Variants in SLC6A20 observed in about 807,000 individuals in gnomAD.
SLC6A20 encodes solute carrier family 6 member 20.
Under a neutral mutation model 64.3 loss-of-function variants are expected in SLC6A20, and 73 were observed. The ratio of observed to expected loss-of-function variants is 1.14; its 90% CI spans 0.94 to 1.38. SLC6A20 has a LOEUF of 1.38. Among genes scored for constraint, SLC6A20 ranks in the 40% most tolerant of loss-of-function variants. The pLI is 0.00. For missense variants in SLC6A20, 725 were observed against 772.8 expected (o/e 0.94, Z 0.73); for synonymous variants, 347 against 329.6 (o/e 1.05, Z -0.57).
At chr3:45,776,163 G>A (rs928502575) in intron 3 of SLC6A20, among the ~76,000 whole-genome samples, 175 bp from the exon 4 acceptor site, 1 of 152,094 alleles carries the variant, frequency 6.6e-6, no homozygotes, top group African/African-American at 2.4e-5. Flanking sequence ...GTTTGTCAGG[G>A]GGCACGGGTG....
intron 9 of SLC6A20, among the ~76,000 whole-genome samples, chr3:45,761,631 A>G (rs1348224724): frequency 6.6e-6 from 1 of 152,188 alleles, no homozygotes; most frequent in African/African-American, 2.4e-5. Flanking sequence ...AAAACCCCTC[A>G]ATCCTGGGGA....
intron 5 of SLC6A20, chr3:45,772,247 G>A (rs1022332674): frequency 9.5e-6 from 4 of 420,682 alleles, no homozygotes; most frequent in Non-Finnish European, 1.7e-5. Context: ...CAGCAGTTGG[G>A]GGACAGTGAG....
Position 45,757,542 on chromosome 3 carries a change from A to C in SLC6A20, c.*1436T>G, listed in dbSNP as rs1488763105. 2.0e-5 allele frequency: 3 copies of C among 152,548 alleles called. No homozygotes were observed. Among genetic ancestry groups the C allele is most frequent in the Non-Finnish European group, 4.4e-5 (3 of 68,312 alleles). The allele number at this position is 152,548 out of a possible 1,614,324, so 9.4% of individuals were successfully genotyped here. ...ACAAGGCACATCCTGCACAGCCCTA[A>C]ATCCATTAAACTTTGATTCATTACA... On this transcript the variant is annotated 3_prime_UTR_variant, in exon 11 of 11. Transcript: ENST00000358525.
Position 45,775,893 on chromosome 3 carries a change from G to T in SLC6A20, c.450C>A (p.Tyr150Ter). 1 of 1,614,224 alleles carries T rather than the reference G, an allele frequency of 6.2e-7. No individual in the cohort carries two copies. ...EKASSTQYFWYRKTLNISPSL... is the reference protein window; with the variant it reads ...EKASSTQYFW ...ACGGCGAGATATTGAGGGTTTTCCT[G>T]TACCAGAAGTACTGTGTGGAGGACG... is the stretch of plus-strand genomic sequence containing the variant. The change falls in exon 4 of 11, where the codon TAC becomes TAA. Residue 150 changes from tyrosine (Y) to a stop codon, truncating the protein, a stop_gained. Coordinates refer to ENST00000358525, the MANE Select transcript of SLC6A20 (RefSeq NM_020208.4). LOFTEE classifies it high-confidence loss of function.
intron 2 of SLC6A20, among the ~76,000 whole-genome samples, chr3:45,780,833 G>A (rs923433702): frequency 2.0e-5 from 3 of 152,112 alleles, no homozygotes; most frequent in African/African-American, 4.8e-5. Context: ...ATAGGCATCC[G>A]CAAATGCTAT....
At chr3:45,796,247 G>A (rs1307504551) in intron 1 of SLC6A20, 52 bp downstream of exon 1, 13 of 1,558,730 alleles carry the variant, frequency 8.3e-6, no homozygotes, top group Non-Finnish European at 9.6e-6. Flanking sequence ...TCGCACACAC[G>A]GCGGGGACGC....
intron 8 of SLC6A20, among the ~76,000 whole-genome samples, chr3:45,764,804 G>C (rs368347591): frequency 2.0e-5 from 3 of 152,076 alleles, no homozygotes; most frequent in South Asian, 4.1e-4. Flanking sequence ...GGGGTGTGAA[G>C]GAACTGTCTA....
intron 3 of SLC6A20, 67 bp downstream of exon 3, chr3:45,779,942 G>A (rs745472213): frequency 8.6e-6 from 13 of 1,504,022 alleles, no homozygotes; most frequent in African/African-American, 2.8e-5. Context: ...TTCCCCGAGC[G>A]GGTGGCCCTG....
At chr3:45,788,003 T>C (rs1277355982) in intron 1 of SLC6A20, among the ~76,000 whole-genome samples, 1 of 152,174 alleles carries the variant, frequency 6.6e-6, no homozygotes, top group Non-Finnish European at 1.5e-5. Flanking sequence ...TGGAGTGCAG[T>C]GGTGCGATCA....
At chr3:45,789,414 A>T (rs1700213816) in intron 1 of SLC6A20, among the ~76,000 whole-genome samples, 1 of 152,242 alleles carries the variant, frequency 6.6e-6, no homozygotes, top group African/African-American at 2.4e-5. Flanking sequence ...TAAACGGATC[A>T]AATTCCTCCA....
chr3:45,766,432 A>G (rs944109038), intron 7 of SLC6A20, among the ~76,000 whole-genome samples: 7 of 152,224 alleles, frequency 4.6e-5, no homozygotes, highest in Non-Finnish European at 2.9e-5. Flanking sequence ...GGGATTTACA[A>G]ACCCACAAGG....
chr3:45,777,511 G>A (rs562066874), intron 3 of SLC6A20, among the ~76,000 whole-genome samples: 11 of 152,358 alleles, frequency 7.2e-5, no homozygotes, highest in African/African-American at 2.6e-4. Flanking sequence ...CTGACCAACT[G>A]AATATGGTGA....
At position 45,758,842 on chromosome 3, in the gene SLC6A20, C is replaced by T; in HGVS notation, c.*136G>A. The stretch of plus-strand genomic sequence containing the variant: ...CCCAAGGGAGTTTTCTTCCTGCACA[C>T]CTTCCTCATCTTCTTTAGACACTCA... On this transcript the variant is annotated 3_prime_UTR_variant, in exon 11 of 11. Transcript: ENST00000358525. The T allele has an allele frequency of 1.5e-6, 2 of 1,374,034 alleles. No homozygotes were observed. The highest frequency in any genetic ancestry group is 1.9e-6 in the Non-Finnish European group (2 of 1,060,188). 85.1% of individuals were successfully genotyped at this position (1,374,034 alleles called of 1,614,324 possible).
intron 8 of SLC6A20, among the ~76,000 whole-genome samples, chr3:45,764,123 G>A (rs1699730496): frequency 6.6e-6 from 1 of 152,116 alleles, no homozygotes; most frequent in African/African-American, 2.4e-5. Context: ...TAGGCCACAG[G>A]GTCCTTGAGG....
chr3:45,764,791 G>T (rs771044767), intron 8 of SLC6A20, among the ~76,000 whole-genome samples: 2 of 151,934 alleles, frequency 1.3e-5, no homozygotes, highest in African/African-American at 2.4e-5. Flanking sequence ...TACTGCCTGG[G>T]AAGGGGTGTG....
At chr3:45,768,013 G>T (rs1410453288) in intron 7 of SLC6A20, among the ~76,000 whole-genome samples, 1 of 152,202 alleles carries the variant, frequency 6.6e-6, no homozygotes, top group Admixed American at 6.5e-5. Context: ...CTTTGGAGAT[G>T]CTGGGATGCA....
chr3:45,780,071 G>C lies in SLC6A20; in HGVS notation c.292C>G (p.Leu98Val), dbSNP rs1700046776. ...GVASVVVSFFLSMYYNVINAW... is the reference protein window; with the variant it reads ...GVASVVVSFFVSMYYNVINAW... Reference sequence around the variant, plus strand: ...TTGATGACGTTGTAGTACATGGAGAGGAAGAAAGAGACCACCACGCTGGCG... The same window carrying C: ...TTGATGACGTTGTAGTACATGGAGACGAAGAAAGAGACCACCACGCTGGCG... The change falls in exon 3 of 11, where the codon CTC becomes GTC. Residue 98 changes from leucine to valine, a missense_variant. Leu to Val is a conservative substitution (Grantham distance 32). Coordinates refer to ENST00000358525, the MANE Select transcript of SLC6A20 (RefSeq NM_020208.4). The C allele has an allele frequency of 1.9e-6, 3 of 1,601,934 alleles. No individual in the cohort carries two copies. The highest frequency in any genetic ancestry group is 2.6e-6 in the Non-Finnish European group (3 of 1,174,078).
chr3:45,793,436 A>G lies in SLC6A20; in HGVS notation c.121+2863T>C, dbSNP rs560378229. Among the ~76,000 whole-genome samples, 5 of 151,788 alleles carry G rather than the reference A, an allele frequency of 3.3e-5. No individual in the cohort carries two copies. In the South Asian group the frequency reaches 1.0e-3, roughly 32 times the overall value. ...TTAGATTTTGACATGGTTGCCCAAG[A>G]CCTGCTGACTTTTTCAAAAAGAGAT... On this transcript the variant is annotated intron_variant, in intron 1 of 10. Transcript: ENST00000358525.
chr3:45,762,882 C>T (rs1699708057), intron 9 of SLC6A20, 31 bp downstream of exon 9: 1 of 1,611,390 alleles, frequency 6.2e-7, no homozygotes, highest in Non-Finnish European at 8.5e-7. Context: ...TGTGTTTTCC[C>T]TATGCAAATG....
Sources: gnomAD v4.1 joint callset for allele counts (sites outside exome capture counted in the v4.1 genomes callset) on GRCh38, gnomAD v4.1.1 for gene constraint, MANE v1.5 for transcripts, NCBI Gene and HGNC (gene_info 2026-07-23, HGNC 2026-07-21) for gene names.